Variants in MYO1H observed in about 807,000 individuals in gnomAD.
MYO1H encodes the protein unconventional myosin-Ih.
Under a neutral mutation model 149.3 loss-of-function variants are expected in MYO1H, and 118 were observed. The observed-to-expected ratio is 0.79, with a 90% CI of 0.68 to 0.92. The LOEUF (loss-of-function observed/expected upper bound fraction) is 0.92, where lower values mean the gene tolerates loss of function less well. Among genes scored for constraint, MYO1H ranks in the 40% least tolerant of loss-of-function variants. The pLI is 0.00. For missense variants in MYO1H, 1,212 were observed against 1,280.7 expected (o/e 0.95, Z 0.82); for synonymous variants, 447 against 465.2 (o/e 0.96, Z 0.50).
At position 109,443,600 on chromosome 12, in the gene MYO1H, G is replaced by GGT; in HGVS notation, c.2777_2778dup (p.Glu927TrpfsTer10). ...TTCTTACTCAGAAAGCAGCTTACGT[G>GGT]GTGGAACTTGCCAAAATCAAGCAGA... On this transcript the variant is annotated frameshift_variant, in exon 28 of 32. Coordinates refer to ENST00000310903, the Ensembl canonical transcript of MYO1H. LOFTEE classifies it high-confidence loss of function. The GGT allele has an allele frequency of 6.2e-7, 1 of 1,613,748 alleles. No homozygotes were observed. Among genetic ancestry groups the GGT allele is most frequent in the South Asian group, 1.1e-5 (1 of 91,068 alleles).
chr12:109,424,896 C>T lies in MYO1H; in HGVS notation c.1725+68C>T, dbSNP rs867310993. 67 of 1,245,806 alleles carry T rather than the reference C, an allele frequency of 5.4e-5. No individual in the cohort carries two copies. The Middle Eastern group carries it at 2.0e-3, about 38-fold the overall frequency. The allele number at this position is 1,245,806 out of a possible 1,614,324, so 77.2% of individuals were successfully genotyped here. Reference sequence around the variant, plus strand: ...GGGTGAGATGACCACCAACTACCTACGCTTTTTAAGCCACCTTCCCCTTTT... The same window carrying T: ...GGGTGAGATGACCACCAACTACCTATGCTTTTTAAGCCACCTTCCCCTTTT... On this transcript the variant is annotated intron_variant, in intron 17 of 31. Transcript: ENST00000310903.
At chr12:109,345,279 T>C (rs573992411), upstream of MYO1H, among the ~76,000 whole-genome samples, 5 of 152,154 alleles carry the variant, frequency 3.3e-5, no homozygotes, top group East Asian at 9.7e-4. Flanking sequence ...AAAGAACCCA[T>C]CTTGAAAATG....
rs551552380 is a variant in MYO1H at position 109,440,184 on chromosome 12, C to T, written c.2454+394C>T. On this transcript the variant is annotated intron_variant, in intron 24 of 31. Transcript: ENST00000310903. The stretch of plus-strand genomic sequence containing the variant: ...CTGAATAACTGAGATTACAGGCGCC[C>T]GCCACCATGCCTGGCTAATTTTTGT... Among the ~76,000 whole-genome samples, 12 of 152,094 alleles carry T rather than the reference C, an allele frequency of 7.9e-5. 1 individual carries two copies. The South Asian group carries it at 1.2e-3, about 16-fold the overall frequency.
chr12:109,313,773 AT>A, the MYO1H span, among the ~76,000 whole-genome samples: 67 of 150,176 alleles, frequency 4.5e-4, no homozygotes, highest in South Asian at 6.4e-4. Context: ...TTGCAAGAGC[AT>A]TTTTTTTTTA....
At chr12:109,425,278 G>A (rs1871314721) in intron 17 of MYO1H, among the ~76,000 whole-genome samples, 1 of 152,140 alleles carries the variant, frequency 6.6e-6, no homozygotes, top group South Asian at 2.1e-4. Flanking sequence ...AAGTTACAAT[G>A]AGCCATGATT....
rs560071077 is a variant in MYO1H, at chr12:109,447,279, A to G, written c.*97A>G. 4.4e-4 allele frequency: 471 copies of G among 1,080,852 alleles called. 8 individuals carry two copies. The South Asian group carries it at 6.1e-3, about 14-fold the overall frequency. The allele number at this position is 1,080,852 out of a possible 1,614,324, so 67.0% of individuals were successfully genotyped here. On this transcript the variant is annotated 3_prime_UTR_variant, in exon 32 of 32. Coordinates refer to ENST00000310903, the Ensembl canonical transcript of MYO1H. ...TTGGATCCAGTTAGCTACCTCTTCA[A>G]GGTACCAGGCCCGCAGCACTAACAG... is the stretch of plus-strand genomic sequence containing the variant.
At chr12:109,365,980 A>G (rs887339590) in intron 1 of MYO1H, among the ~76,000 whole-genome samples, 1 of 152,090 alleles carries the variant, frequency 6.6e-6, no homozygotes, top group Non-Finnish European at 1.5e-5. Context: ...CCTGTTGTGA[A>G]CTGCACGTGT....
chr12:109,368,963 T>C (rs1351968455), intron 1 of MYO1H, among the ~76,000 whole-genome samples: 2 of 152,054 alleles, frequency 1.3e-5, no homozygotes, highest in Non-Finnish European at 2.9e-5. Context: ...GGTAGCTGCA[T>C]CCATGTTGCT....
chr12:109,422,689 A>C (rs79273561), intron 16 of MYO1H, among the ~76,000 whole-genome samples: 7,989 of 152,182 alleles, frequency 0.052, 300 homozygotes, highest in Middle Eastern at 0.085. Context: ...AACACTTCTC[A>C]TTTGTTTCTG....
rs184493935 is a variant in MYO1H at position 109,348,644 on chromosome 12, T to C, written c.12+672T>C. On this transcript the variant is annotated intron_variant, in intron 1 of 31. Transcript: ENST00000310903. ...CAATGGTAAAGCTCTCCTGGGAAGA[T>C]GGAAGACAGAACTTGAGTGTCAAAC... 2.6e-4 allele frequency among the ~76,000 whole-genome samples: 39 copies of C among 152,342 alleles called. No individual in the cohort carries two copies. In the East Asian group the frequency reaches 6.9e-3, roughly 27 times the overall value.
chr12:109,443,008 A>T lies in MYO1H; in HGVS notation c.2689-506A>T, dbSNP rs1224864878. Among the ~76,000 whole-genome samples, 2 of 67,030 alleles carry T rather than the reference A, an allele frequency of 3.0e-5. 1 individual carries two copies. Among genetic ancestry groups the T allele is most frequent in the Non-Finnish European group, 5.6e-5 (2 of 35,572 alleles). 44.0% of individuals were successfully genotyped at this position (67,030 alleles called of 152,430 possible). A position where few individuals can be genotyped will look rare whatever the true frequency, so the allele number is the denominator to read the frequency against. On this transcript the variant is annotated intron_variant, in intron 27 of 31. Coordinates refer to ENST00000310903, the Ensembl canonical transcript of MYO1H. ...ATGCAGAGAGCCAGGAAAAAAAAAA[A>T]AATATATATATATATATATATGTGT...
the MYO1H span, among the ~76,000 whole-genome samples, chr12:109,318,998 A>T: frequency 9.7e-5 from 3 of 30,958 alleles, no homozygotes; most frequent in Non-Finnish European, 6.3e-5. Flanking sequence ...TTTTTTTGCA[A>T]CTTTTCTGTC....
At chr12:109,416,576 G>A (rs1452482672) in intron 15 of MYO1H, among the ~76,000 whole-genome samples, 1 of 152,074 alleles carries the variant, frequency 6.6e-6, no homozygotes, top group Non-Finnish European at 1.5e-5. Context: ...AGGCACTTGG[G>A]TTGTTTATAC....
the MYO1H span, among the ~76,000 whole-genome samples, chr12:109,332,602 G>C: frequency 6.6e-6 from 1 of 152,162 alleles, no homozygotes; most frequent in South Asian, 2.1e-4. Context: ...TTAGAGGCCA[G>C]GGTCTCGCTC....
intron 10 of MYO1H, among the ~76,000 whole-genome samples, chr12:109,408,386 G>A (rs1870493210): frequency 6.6e-6 from 1 of 152,024 alleles, no homozygotes; most frequent in Non-Finnish European, 1.5e-5. Flanking sequence ...TGTTGTCCAG[G>A]CTGGTCTCAA....
chr12:109,333,282 C>T, the MYO1H span, among the ~76,000 whole-genome samples: 3 of 152,062 alleles, frequency 2.0e-5, no homozygotes, highest in Admixed American at 6.6e-5. Flanking sequence ...ACCGCACCAT[C>T]GCACTCTAGC....
chr12:109,425,335 T>TA (rs1232435000), intron 17 of MYO1H, among the ~76,000 whole-genome samples: 2 of 152,010 alleles, frequency 1.3e-5, no homozygotes, highest in African/African-American at 4.8e-5. Flanking sequence ...CCCTGTCTCT[T>TA]AAAAAATCAC....
intron 1 of MYO1H, among the ~76,000 whole-genome samples, chr12:109,366,980 T>A (rs923903687): frequency 6.6e-6 from 1 of 152,188 alleles, no homozygotes; most frequent in South Asian, 2.1e-4. Flanking sequence ...CCAGCAAGCA[T>A]AATGCAAATA....
At chr12:109,400,538 C>A (rs1870119130) in intron 5 of MYO1H, among the ~76,000 whole-genome samples, 1 of 152,008 alleles carries the variant, frequency 6.6e-6, no homozygotes, top group African/African-American at 2.4e-5. Context: ...TATTGATTTG[C>A]AAGAATCTTT....
Sources: allele counts gnomAD v4.1 joint callset (sites outside exome capture counted in the v4.1 genomes callset), GRCh38; gene constraint gnomAD v4.1.1; transcripts MANE v1.5; gene names NCBI Gene and HGNC (gene_info 2026-07-23, HGNC 2026-07-21).